The following SDR16C5 variants were observed in gnomAD, a reference collection of about 807,000 sequenced individuals.
SDR16C5 encodes short chain dehydrogenase/reductase family 16C member 5.
A neutral mutation model predicts 27.7 loss-of-function variants in SDR16C5; 20 were observed. That is an observed-to-expected ratio of 0.72 (90% confidence interval 0.51 to 1.05). SDR16C5 has a LOEUF of 1.05. Ranked by LOEUF, SDR16C5 falls within the 50% of genes least tolerant of loss-of-function variation. The pLI is 0.00. For missense variants in SDR16C5, 374 were observed against 366.3 expected (o/e 1.02, Z -0.17); for synonymous variants, 139 against 132.3 (o/e 1.05, Z -0.35).
intron 1 of SDR16C5, among the ~76,000 whole-genome samples, chr8:56,317,837 T>C (rs959265508): frequency 6.6e-6 from 1 of 152,226 alleles, no homozygotes. Flanking sequence ...TCATGTGTTA[T>C]GTTTATTGAG....
At chr8:56,304,008 T>C (rs564136979) in intron 6 of SDR16C5, 2 of 702,992 alleles carry the variant, frequency 2.8e-6, no homozygotes, top group Non-Finnish European at 5.2e-6. Context: ...GAATTTCGAA[T>C]TGCTTGTCCA....
Position 56,301,322 on chromosome 8 carries a change from CA to C in SDR16C5, c.*157del. The C allele has an allele frequency of 1.8e-6, 1 of 570,842 alleles. No individual in the cohort carries two copies. Among genetic ancestry groups the C allele is most frequent in the Non-Finnish European group, 3.2e-6 (1 of 317,088 alleles). The allele number at this position is 570,842 out of a possible 1,614,324, so 35.4% of individuals were successfully genotyped here. On this transcript the variant is annotated 3_prime_UTR_variant, in exon 7 of 7. Transcript: ENST00000303749. ...AAATAGGTGATAGCAACATTATTTTCAAACACATTGATTGAAAATTCTAGTC... is the reference window on the plus strand; with the variant it reads ...AAATAGGTGATAGCAACATTATTTTCAACACATTGATTGAAAATTCTAGTC...
intron 1 of SDR16C5, among the ~76,000 whole-genome samples, chr8:56,317,250 C>A (rs937742246): frequency 1.3e-5 from 2 of 152,140 alleles, no homozygotes; most frequent in Non-Finnish European, 2.9e-5. Flanking sequence ...GATGTTATCA[C>A]ATTTCTCAGA....
chr8:56,313,934 C>T (rs1418535080), intron 2 of SDR16C5, among the ~76,000 whole-genome samples: 2 of 152,154 alleles, frequency 1.3e-5, no homozygotes, highest in Non-Finnish European at 2.9e-5. Context: ...ATTGGCCGGG[C>T]GCGGTAGCTC....
At chr8:56,309,607 A>G in intron 3 of SDR16C5, 1 of 983,724 alleles carries the variant, frequency 1.0e-6, no homozygotes, top group Non-Finnish European at 1.2e-6. Flanking sequence ...GGTAAAAGAG[A>G]CAGAAATGAG....
intron 3 of SDR16C5, among the ~76,000 whole-genome samples, chr8:56,310,643 G>T (rs1388005187): frequency 3.3e-5 from 5 of 151,348 alleles, no homozygotes; most frequent in Non-Finnish European, 7.4e-5. Context: ...GCTTGAACCC[G>T]GGAGGTGGAG....
At chr8:56,304,060 T>A (rs1406016538) in intron 6 of SDR16C5, 4 of 702,868 alleles carry the variant, frequency 5.7e-6, no homozygotes, top group African/African-American at 3.5e-5. Flanking sequence ...TCAGGCATTC[T>A]GACCCATCCT....
At chr8:56,307,834 C>T (rs958389942) in intron 4 of SDR16C5, among the ~76,000 whole-genome samples, 5 of 152,180 alleles carry the variant, frequency 3.3e-5, no homozygotes, top group African/African-American at 1.2e-4. Flanking sequence ...AGTAAAGACT[C>T]ACACGGTGGG....
At chr8:56,308,617 G>A (rs1175774514) in intron 4 of SDR16C5, among the ~76,000 whole-genome samples, 1 of 152,230 alleles carries the variant, frequency 6.6e-6, no homozygotes, top group Non-Finnish European at 1.5e-5. Flanking sequence ...GACAGTGTCA[G>A]TGTGAACTTT....
rs971533137 is a variant in SDR16C5, at chr8:56,300,050, C to T, written c.*1430G>A. On this transcript the variant is annotated 3_prime_UTR_variant, in exon 7 of 7. Transcript: ENST00000303749. ...TTTATTCTTTGGCATACACCAAATACCTTCATCATTCTTTGAGTAATGATT... is the reference window on the plus strand; with the variant it reads ...TTTATTCTTTGGCATACACCAAATATCTTCATCATTCTTTGAGTAATGATT... 4 of 152,146 alleles carry T rather than the reference C, an allele frequency of 2.6e-5. No homozygotes were observed. Among genetic ancestry groups the T allele is most frequent in the Admixed American group, 1.3e-4 (2 of 15,278 alleles). The allele number at this position is 152,146 out of a possible 1,614,324, so 9.4% of individuals were successfully genotyped here.
chr8:56,311,142 A>G (rs545429374), intron 3 of SDR16C5, among the ~76,000 whole-genome samples: 1 of 152,318 alleles, frequency 6.6e-6, no homozygotes, highest in African/African-American at 2.4e-5. Flanking sequence ...GGAACCAAAC[A>G]GGTCAAAAGT....
At chr8:56,310,243 G>A (rs570866867) in intron 3 of SDR16C5, among the ~76,000 whole-genome samples, 1 of 2,020 alleles carries the variant, frequency 5.0e-4, no homozygotes, top group Admixed American at 7.6e-3. Flanking sequence ...AGGAGGAGGA[G>A]GAAGGAGGAG....
In SDR16C5 at chr8:56,316,079, GTGGCTCCAGCTTC is replaced by G; in HGVS notation, c.256_268del (p.Glu86GlnfsTer19). Reference sequence around the variant, plus strand: ...ATCGCAGGTATAGGCGTGCACTCTTGTGGCTCCAGCTTCCCGAGCCATCTTACATGTTTCCTCA... The same window carrying G: ...ATCGCAGGTATAGGCGTGCACTCTTGCCGAGCCATCTTACATGTTTCCTCA... On this transcript the variant is annotated frameshift_variant, in exon 2 of 7. Coordinates refer to ENST00000303749, the MANE Select transcript of SDR16C5 (RefSeq NM_138969.4). LOFTEE classifies it high-confidence loss of function. 6.2e-7 allele frequency: 1 copy of G among 1,614,096 alleles called. No individual in the cohort carries two copies. The highest frequency in any genetic ancestry group is 8.5e-7 in the Non-Finnish European group (1 of 1,179,992).
In SDR16C5 at chr8:56,305,655, G is replaced by C; in HGVS notation, c.778C>G (p.Gln260Glu). 1.3e-6 allele frequency: 2 copies of C among 1,599,646 alleles called. No individual in the cohort carries two copies. The highest frequency in any genetic ancestry group is 8.5e-7 in the Non-Finnish European group (1 of 1,175,284). The change falls in exon 6 of 7, where the codon CAA becomes GAA. Residue 260 changes from glutamine (Q) to glutamate (E), a missense_variant. Physicochemically the swap from Gln to Glu is conservative, Grantham distance 29 (BLOSUM62 2). Transcript: ENST00000303749. ...AVEKIVEAILQEKMYLYMPKL... is the reference protein window; with the variant it reads ...AVEKIVEAILEEKMYLYMPKL... ...GGCATATACAAGTACATTTTTTCTT[G>C]TAGAATAGCTTCTACTATTTTTTCA...
intron 5 of SDR16C5, among the ~76,000 whole-genome samples, chr8:56,306,293 T>G (rs1197198838): frequency 2.0e-5 from 3 of 152,194 alleles, no homozygotes; most frequent in Non-Finnish European, 4.4e-5. Flanking sequence ...TTAAGCCACC[T>G]AGTGTATGAT....
chr8:56,301,980 CTG>C (rs1199304647), intron 6 of SDR16C5, among the ~76,000 whole-genome samples: 2 of 152,176 alleles, frequency 1.3e-5, no homozygotes, highest in Non-Finnish European at 2.9e-5. Flanking sequence ...GTTTCCTCAA[CTG>C]TAAAATGAGG....
In SDR16C5 at chr8:56,301,556, G is replaced by A. The variant is rs1304632187; in HGVS notation, c.854C>T (p.Thr285Ile). The part of the protein sequence containing the change: ...MFLKSFLPLK[T>I]GLLIADYLGI... The stretch of plus-strand genomic sequence containing the variant: ...CAAATAGTCAGCTATAAGCAGTCCT[G>A]TCTTGAGGGGCAAAAAGCTAAAGAG... Residue 285 changes from threonine (T) to isoleucine (I), a missense_variant, in exon 7 of 7, where the codon ACA (threonine) becomes ATA (isoleucine). Coordinates refer to ENST00000303749, the MANE Select transcript of SDR16C5 (RefSeq NM_138969.4). The A allele has an allele frequency of 1.2e-6, 2 of 1,613,766 alleles. No homozygotes were observed. The highest frequency in any genetic ancestry group is 4.5e-5 in the East Asian group (2 of 44,876).
Position 56,301,583 on chromosome 8 carries a change from A to G in SDR16C5, c.837-10T>C. ...CTTGAGGGGCAAAAAGCTAAAGAGA[A>G]CACAAGAATAAACTTTCTTTATTAT... On this transcript the variant is annotated splice_polypyrimidine_tract_variant and intron_variant, in intron 6 of 6. Transcript: ENST00000303749. 1 of 1,595,538 alleles carries G rather than the reference A, an allele frequency of 6.3e-7. No homozygotes were observed. The highest frequency in any genetic ancestry group is 8.6e-7 in the Non-Finnish European group (1 of 1,163,570).
intron 2 of SDR16C5, among the ~76,000 whole-genome samples, chr8:56,314,626 A>T (rs1006819001): frequency 6.6e-6 from 1 of 152,234 alleles, no homozygotes; most frequent in African/African-American, 2.4e-5. Flanking sequence ...TGCTTGGAAG[A>T]GTGGGCCCAG....
Sources: allele counts gnomAD v4.1 joint callset (sites outside exome capture counted in the v4.1 genomes callset), GRCh38; gene constraint gnomAD v4.1.1; transcripts MANE v1.5; gene names NCBI Gene and HGNC (gene_info 2026-07-23, HGNC 2026-07-21).